MAGI2: variants seen among roughly 807,000 people sequenced by gnomAD.
MAGI2 encodes the protein membrane associated guanylate kinase, WW and PDZ domain containing 2, also known as membrane-associated guanylate kinase, WW and PDZ domain-containing protein 2.
In MAGI2, 35 loss-of-function variants were observed where a neutral mutation model predicts 133.3. That is an observed-to-expected ratio of 0.26 (90% CI 0.20 to 0.35). The LOEUF is 0.35. Among genes scored for constraint, MAGI2 ranks in the 10% least tolerant of loss-of-function variants. MAGI2 has a pLI of 1.00. For missense variants in MAGI2, 1,636 were observed against 1,863.4 expected (o/e 0.88, Z 2.25); for synonymous variants, 729 against 710.6 (o/e 1.03, Z -0.41).
chr7:78,629,144 T>C (rs1425201703), intron 2 of MAGI2, among the ~76,000 whole-genome samples: 1 of 152,162 alleles, frequency 6.6e-6, no homozygotes, highest in African/African-American at 2.4e-5. Flanking sequence ...AGTTGTGCTC[T>C]TCTTGGGAGG....
chr7:78,991,590 CT>C (rs537865391), intron 2 of MAGI2, among the ~76,000 whole-genome samples: 1,966 of 138,992 alleles, frequency 0.014, 22 homozygotes, highest in African/African-American at 0.034. Context: ...CTTCATTGTC[CT>C]TTTTTTTTTT....
intron 1 of MAGI2, among the ~76,000 whole-genome samples, chr7:79,187,131 G>T (rs950242419): frequency 2.0e-5 from 3 of 151,396 alleles, no homozygotes; most frequent in African/African-American, 7.3e-5. Flanking sequence ...TAACAGAGAT[G>T]ATTTGAAAAT....
chr7:79,042,779 T>C (rs1046290455), intron 1 of MAGI2, among the ~76,000 whole-genome samples: 2 of 152,074 alleles, frequency 1.3e-5, no homozygotes, highest in Non-Finnish European at 2.9e-5. Context: ...AACAACAGAA[T>C]ATACATTCTT....
intron 1 of MAGI2, chr7:79,410,009 A>G (rs1306649835): frequency 6.6e-6 from 1 of 152,124 alleles, no homozygotes; most frequent in African/African-American, 2.4e-5. Flanking sequence ...CAATTTTTCA[A>G]AGGAAGTACA....
At chr7:79,356,241 TCAAA>T (rs921913818) in intron 1 of MAGI2, among the ~76,000 whole-genome samples, 38 of 152,274 alleles carry the variant, frequency 2.5e-4, no homozygotes, top group African/African-American at 8.4e-4. Flanking sequence ...AGCCAGAACT[TCAAA>T]CAATCATTAG....
intron 3 of MAGI2, among the ~76,000 whole-genome samples, chr7:78,549,125 A>G (rs1396467830): frequency 6.6e-6 from 1 of 152,172 alleles, no homozygotes; most frequent in Non-Finnish European, 1.5e-5. Context: ...TCAGTTTGAC[A>G]AGCACTCTTG....
chr7:78,464,559 A>G (rs993781260), intron 6 of MAGI2, among the ~76,000 whole-genome samples: 1 of 152,078 alleles, frequency 6.6e-6, no homozygotes, highest in Admixed American at 6.6e-5. Flanking sequence ...GTGTTCATAA[A>G]ATTTAGCTCA....
At chr7:78,952,033 A>T (rs959702380) in intron 2 of MAGI2, among the ~76,000 whole-genome samples, 5 of 152,074 alleles carry the variant, frequency 3.3e-5, no homozygotes, top group African/African-American at 1.2e-4. Flanking sequence ...TTCCTTCCTC[A>T]CTGAATAAAA....
intron 2 of MAGI2, among the ~76,000 whole-genome samples, chr7:78,902,919 T>G (rs2151595995): frequency 6.6e-6 from 1 of 152,222 alleles, no homozygotes. Context: ...GACTGGATCC[T>G]GGAAAAGAGC....
At chr7:79,313,744 C>T (rs1196607651) in intron 1 of MAGI2, among the ~76,000 whole-genome samples, 1 of 151,174 alleles carries the variant, frequency 6.6e-6, no homozygotes, top group Non-Finnish European at 1.5e-5. Flanking sequence ...AATGTTCATA[C>T]TTTGTTCTAC....
chr7:78,742,739 A>G (rs184655686), intron 2 of MAGI2, among the ~76,000 whole-genome samples: 12 of 152,286 alleles, frequency 7.9e-5, no homozygotes, highest in Admixed American at 5.2e-4. Flanking sequence ...TTCCTCTTAA[A>G]TTTGTAGCTT....
chr7:78,207,839 T>C (rs1787259890), intron 10 of MAGI2, among the ~76,000 whole-genome samples: 2 of 152,174 alleles, frequency 1.3e-5, no homozygotes, highest in Admixed American at 1.3e-4. Context: ...TTCACATAAC[T>C]ACCATCTTTG....
chr7:78,865,228 A>C (rs1002802010), intron 2 of MAGI2, among the ~76,000 whole-genome samples: 3 of 152,172 alleles, frequency 2.0e-5, no homozygotes, highest in African/African-American at 4.8e-5. Context: ...ATTGGGTTTG[A>C]AAAATTGGTT....
intron 3 of MAGI2, among the ~76,000 whole-genome samples, chr7:78,552,523 T>TAATGATAGTAAAAC (rs1256772587): frequency 6.6e-6 from 1 of 152,194 alleles, no homozygotes; most frequent in African/African-American, 2.4e-5. Context: ...TGAAAACGTG[T>TAATGATAGTAAAAC]AGCCGGCATG....
At chr7:78,827,776 T>C (rs1396682700) in intron 2 of MAGI2, among the ~76,000 whole-genome samples, 1 of 152,176 alleles carries the variant, frequency 6.6e-6, no homozygotes, top group Non-Finnish European at 1.5e-5. Flanking sequence ...AATAAATGAT[T>C]ACATTAGAAA....
In MAGI2 at chr7:78,529,139, C is replaced by T. The variant is rs192981815; in HGVS notation, c.539-7494G>A. The stretch of plus-strand genomic sequence containing the variant: ...GTCTTTATTATTCACCAGTGCTCTC[C>T]GGAAAGTCATGCAGATAGTTAAATT... On this transcript the variant is annotated intron_variant, in intron 3 of 21. Coordinates refer to ENST00000354212, the MANE Select transcript of MAGI2 (RefSeq NM_012301.4). Among the ~76,000 whole-genome samples the T allele has an allele frequency of 3.7e-4, 57 of 152,202 alleles. No individual in the cohort carries two copies. The East Asian group carries it at 7.5e-3, about 20-fold the overall frequency.
rs140527893 is a variant in MAGI2, at chr7:78,788,144, T to C, written c.419-160905A>G. 2.6e-5 allele frequency among the ~76,000 whole-genome samples: 4 copies of C among 152,356 alleles called. No homozygotes were observed. The East Asian group carries it at 7.7e-4, about 29-fold the overall frequency. On this transcript the variant is annotated intron_variant, in intron 2 of 21. Coordinates refer to ENST00000354212, the MANE Select transcript of MAGI2 (RefSeq NM_012301.4). ...GTGACACCAAATGGACTTCTGCTTC[T>C]TGGGGTCCAATCACGTGCTTTGGGA...
At chr7:78,063,708 C>A (rs1028932293) in intron 21 of MAGI2, among the ~76,000 whole-genome samples, 1 of 152,064 alleles carries the variant, frequency 6.6e-6, no homozygotes, top group African/African-American at 2.4e-5. Flanking sequence ...AAAGCAATGC[C>A]CAGCTAAAAT....
At chr7:78,612,087 C>A (rs1050128956) in intron 3 of MAGI2, among the ~76,000 whole-genome samples, 1 of 152,112 alleles carries the variant, frequency 6.6e-6, no homozygotes, top group Non-Finnish European at 1.5e-5. Flanking sequence ...ACAATTTCTA[C>A]CTCTACTATT....
Sources: allele counts gnomAD v4.1 joint callset (sites outside exome capture counted in the v4.1 genomes callset), GRCh38; gene constraint gnomAD v4.1.1; transcripts MANE v1.5; gene names NCBI Gene and HGNC (gene_info 2026-07-23, HGNC 2026-07-21).